Variants in SUPT3H observed in about 807,000 individuals in gnomAD.
The protein encoded by SUPT3H is SPT3 homolog, SAGA and STAGA complex component, also known as transcription initiation protein SPT3 homolog.
In SUPT3H, 44 loss-of-function variants were observed where a neutral mutation model predicts 44.3. The observed-to-expected ratio is 0.99, with a 90% CI of 0.78 to 1.28. SUPT3H has a LOEUF of 1.28. SUPT3H is among the 50% of genes most tolerant of loss of function. The pLI is 0.00. For missense variants in SUPT3H, 380 were observed against 387.1 expected (o/e 0.98, Z 0.15); for synonymous variants, 124 against 125.6 (o/e 0.99, Z 0.09).
chr6:45,355,855 T>C (rs1279056643), intron 2 of SUPT3H, among the ~76,000 whole-genome samples: 1 of 152,180 alleles, frequency 6.6e-6, no homozygotes, highest in Non-Finnish European at 1.5e-5. Flanking sequence ...AATGTTATTT[T>C]TGTTGAATAA....
At chr6:44,993,634 T>C (rs1223916145) in intron 6 of SUPT3H, among the ~76,000 whole-genome samples, 1 of 152,108 alleles carries the variant, frequency 6.6e-6, no homozygotes, top group Non-Finnish European at 1.5e-5. Context: ...CTAAATCAAA[T>C]AATACTACCT....
chr6:45,190,156 T>C (rs925786519), intron 2 of SUPT3H, among the ~76,000 whole-genome samples: 4 of 152,310 alleles, frequency 2.6e-5, no homozygotes, highest in South Asian at 2.1e-4. Context: ...AAAGCTTTAA[T>C]ATGCATTGCA....
At chr6:45,140,205 G>A (rs145363771) in intron 2 of SUPT3H, among the ~76,000 whole-genome samples, 3 of 151,904 alleles carry the variant, frequency 2.0e-5, no homozygotes, top group Admixed American at 6.6e-5. Context: ...CCTCCACAGC[G>A]GCCATGGCAA....
At chr6:45,185,278 A>G (rs1344917152) in intron 2 of SUPT3H, among the ~76,000 whole-genome samples, 1 of 152,134 alleles carries the variant, frequency 6.6e-6, no homozygotes, top group Admixed American at 6.5e-5. Context: ...GAAAGAGTTG[A>G]GCCTGAACTA....
chr6:44,851,029 A>G (rs1772797287), intron 10 of SUPT3H, among the ~76,000 whole-genome samples: 1 of 152,172 alleles, frequency 6.6e-6, no homozygotes, highest in African/African-American at 2.4e-5. Flanking sequence ...CCTCTGACAG[A>G]TGGTGTACGT....
intron 10 of SUPT3H, among the ~76,000 whole-genome samples, chr6:44,830,433 G>A (rs369875097): frequency 1.4e-4 from 22 of 152,200 alleles, no homozygotes; most frequent in Non-Finnish European, 3.1e-4. Flanking sequence ...ATACCTGTAC[G>A]TACAGATGTA....
intron 10 of SUPT3H, among the ~76,000 whole-genome samples, chr6:44,848,525 T>C (rs112542001): frequency 3.3e-5 from 5 of 152,316 alleles, no homozygotes; most frequent in African/African-American, 9.6e-5. Flanking sequence ...TAAATCTCTG[T>C]TGTCTTTATT....
intron 6 of SUPT3H, among the ~76,000 whole-genome samples, chr6:44,991,171 A>T (rs1218248306): frequency 3.3e-5 from 5 of 152,100 alleles, no homozygotes; most frequent in Non-Finnish European, 7.4e-5. Context: ...AAATGCCCAA[A>T]TTGTTAATAC....
chr6:45,348,570 G>A (rs1791389573), intron 2 of SUPT3H, among the ~76,000 whole-genome samples: 1 of 149,510 alleles, frequency 6.7e-6, no homozygotes, highest in African/African-American at 2.5e-5. Context: ...AGCTACTCAG[G>A]AGACTGAGGC....
intron 2 of SUPT3H, among the ~76,000 whole-genome samples, chr6:45,141,079 C>A (rs563690173): frequency 6.6e-6 from 1 of 152,168 alleles, no homozygotes; most frequent in East Asian, 1.9e-4. Context: ...GTGGCTCATG[C>A]CTGTAATCCC....
intron 2 of SUPT3H, among the ~76,000 whole-genome samples, chr6:45,150,087 G>A (rs952074662): frequency 2.0e-5 from 3 of 152,024 alleles, no homozygotes; most frequent in African/African-American, 7.3e-5. Flanking sequence ...GTACAACTAA[G>A]GTTGAGAACT....
At chr6:45,061,968 G>C (rs1021549268) in intron 3 of SUPT3H, among the ~76,000 whole-genome samples, 1 of 132,618 alleles carries the variant, frequency 7.5e-6, no homozygotes, top group African/African-American at 2.8e-5. Context: ...TGTGTTATAT[G>C]AACACTTACA....
At chr6:45,376,392 T>C (rs1004802426) in intron 1 of SUPT3H, among the ~76,000 whole-genome samples, 6 of 152,204 alleles carry the variant, frequency 3.9e-5, no homozygotes, top group Admixed American at 3.3e-4. Flanking sequence ...ATGCAGTAGC[T>C]ACCACTAGCC....
chr6:44,994,400 A>C (rs943077238), intron 6 of SUPT3H, among the ~76,000 whole-genome samples: 7 of 152,150 alleles, frequency 4.6e-5, no homozygotes, highest in South Asian at 2.1e-4. Flanking sequence ...CAAGATTCTA[A>C]GACATCATTC....
At chr6:45,283,781 A>G (rs1778649194) in intron 2 of SUPT3H, among the ~76,000 whole-genome samples, 2 of 152,150 alleles carry the variant, frequency 1.3e-5, no homozygotes, top group Non-Finnish European at 2.9e-5. Flanking sequence ...AACAGAATAT[A>G]CATTCTTTTC....
At chr6:45,022,422 T>G (rs1286581868) in intron 3 of SUPT3H, among the ~76,000 whole-genome samples, 14 of 152,056 alleles carry the variant, frequency 9.2e-5, no homozygotes, top group East Asian at 3.9e-4. Context: ...ACTGTTTTTT[T>G]TTTTTTTTTT....
chr6:45,295,571 C>A (rs1584766477), intron 2 of SUPT3H, among the ~76,000 whole-genome samples: 1 of 102,522 alleles, frequency 9.8e-6, no homozygotes, highest in African/African-American at 3.5e-5. Context: ...AGTCAACAGA[C>A]AACCTACAAA....
At chr6:45,259,051 G>A (rs905369541) in intron 2 of SUPT3H, among the ~76,000 whole-genome samples, 3 of 152,028 alleles carry the variant, frequency 2.0e-5, no homozygotes, top group Non-Finnish European at 4.4e-5. Context: ...AGTATTAGTT[G>A]ATAATAGACA....
intron 2 of SUPT3H, among the ~76,000 whole-genome samples, chr6:45,176,841 G>C (rs569157104): frequency 6.6e-6 from 1 of 152,268 alleles, no homozygotes; most frequent in East Asian, 1.9e-4. Flanking sequence ...TACTCCAACA[G>C]ACCTGCAGCT....
Sources: allele counts gnomAD v4.1 joint callset (sites outside exome capture counted in the v4.1 genomes callset), GRCh38; gene constraint gnomAD v4.1.1; transcripts MANE v1.5; gene names NCBI Gene and HGNC (gene_info 2026-07-23, HGNC 2026-07-21).